The following ABTB2 variants were observed in gnomAD, a reference collection of about 807,000 sequenced individuals.
ABTB2 encodes ankyrin repeat and BTB domain containing 2.
In ABTB2, 56 loss-of-function variants were observed where a neutral mutation model predicts 104.1. The ratio of observed to expected loss-of-function variants is 0.54; its 90% CI spans 0.43 to 0.67. The LOEUF is 0.67. Ranked by LOEUF, ABTB2 falls within the 30% of genes least tolerant of loss-of-function variation. The pLI, the probability that ABTB2 is intolerant of heterozygous loss-of-function variation, is 0.00. For missense variants in ABTB2, 1,279 were observed against 1,407.7 expected (o/e 0.91, Z 1.46); for synonymous variants, 606 against 608.2 (o/e 1.00, Z 0.05).
chr11:34,247,185 G>A (rs1853995742), intron 1 of ABTB2, among the ~76,000 whole-genome samples: 2 of 152,204 alleles, frequency 1.3e-5, no homozygotes, highest in South Asian at 2.1e-4. Context: ...CAAGGCCTCT[G>A]GTGTGCAGCT....
In ABTB2 at chr11:34,199,713, G is replaced by A. The variant is rs541910794; in HGVS notation, c.1031-2175C>T. The stretch of plus-strand genomic sequence containing the variant: ...TTACAGAGAAAGAGAAATCCCTTAC[G>A]TAGTTATCAGAGCCTCAGTTTTCTC... On this transcript the variant is annotated intron_variant, in intron 2 of 16. Transcript: ENST00000435224. Among the ~76,000 whole-genome samples, 29 of 152,236 alleles carry A rather than the reference G, an allele frequency of 1.9e-4. 1 individual carries two copies. The South Asian group carries it at 5.4e-3, about 28-fold the overall frequency.
intron 1 of ABTB2, among the ~76,000 whole-genome samples, chr11:34,262,977 C>T (rs903861008): frequency 5.3e-5 from 8 of 152,230 alleles, no homozygotes; most frequent in South Asian, 2.1e-4. Context: ...CCACAGGAGA[C>T]GAAATCAGGC....
rs529659354 is a variant in ABTB2, at chr11:34,320,737, C to G, written c.883+35964G>C. On this transcript the variant is annotated intron_variant, in intron 1 of 16. Coordinates refer to ENST00000435224, the MANE Select transcript of ABTB2 (RefSeq NM_145804.3). The stretch of plus-strand genomic sequence containing the variant: ...ACATACCAGACTAACTTTATCTCCC[C>G]TGGGCAATCCCAGCTCACTACTGAG... 2.0e-5 allele frequency among the ~76,000 whole-genome samples: 3 copies of G among 152,316 alleles called. No individual in the cohort carries two copies. In the East Asian group the frequency reaches 5.8e-4, roughly 29 times the overall value.
chr11:34,154,521 C>A lies in ABTB2; in HGVS notation c.2767-143G>T. On this transcript the variant is annotated intron_variant, in intron 15 of 16. Coordinates refer to ENST00000435224, the MANE Select transcript of ABTB2 (RefSeq NM_145804.3). This position sits in a 1 kb window ranked among gnomAD's most constrained non-coding sequence, Gnocchi z 4.9. ...TACCTTCTGATACTCCTGGGCCTAA[C>A]CATCCCCGCTGGGACACGCACTGAG... 1 of 854,970 alleles carries A rather than the reference C, an allele frequency of 1.2e-6. No individual in the cohort carries two copies. The highest frequency in any genetic ancestry group is 1.6e-5 in the South Asian group (1 of 63,528). The allele number at this position is 854,970 out of a possible 1,614,324, so 53.0% of individuals were successfully genotyped here.
chr11:34,226,453 G>A (rs1853687912), intron 1 of ABTB2, among the ~76,000 whole-genome samples: 1 of 152,106 alleles, frequency 6.6e-6, no homozygotes, highest in Non-Finnish European at 1.5e-5. Context: ...TACAGGCAGG[G>A]TCAGTACAAA....
At chr11:34,183,298 C>G (rs1853051593) in intron 3 of ABTB2, among the ~76,000 whole-genome samples, 1 of 152,152 alleles carries the variant, frequency 6.6e-6, no homozygotes, top group African/African-American at 2.4e-5. Context: ...CGAGGTTTCA[C>G]CATGTTGCCC....
chr11:34,163,036 G>A (rs369655167), intron 9 of ABTB2, among the ~76,000 whole-genome samples: 10 of 152,170 alleles, frequency 6.6e-5, no homozygotes, highest in Admixed American at 1.3e-4. Flanking sequence ...TACCATCCCC[G>A]TATTGCAGAG....
At chr11:34,193,990 C>T (rs1185136907) in intron 3 of ABTB2, among the ~76,000 whole-genome samples, 1 of 152,232 alleles carries the variant, frequency 6.6e-6, no homozygotes. Context: ...CCACCAAACA[C>T]TGCAGAAGCA....
intron 12 of ABTB2, 87 bp downstream of exon 12, chr11:34,160,161 G>C: frequency 7.3e-7 from 1 of 1,373,162 alleles, no homozygotes; most frequent in Non-Finnish European, 1.0e-6. Context: ...CTTGGAAATG[G>C]AGAAAGATGA....
chr11:34,280,633 C>G (rs1854439004), intron 1 of ABTB2, among the ~76,000 whole-genome samples: 1 of 152,146 alleles, frequency 6.6e-6, no homozygotes, highest in Non-Finnish European at 1.5e-5. Context: ...ACATTAAGTC[C>G]TCAGTAATAA....
rs1035536815 is a variant in ABTB2, at chr11:34,328,818, A to G, written c.883+27883T>C. Among the ~76,000 whole-genome samples, 17 of 152,194 alleles carry G rather than the reference A, an allele frequency of 1.1e-4. 1 individual carries two copies. Among genetic ancestry groups the G allele is most frequent in the South Asian group, 4.1e-4 (2 of 4,832 alleles). ...CAAATTGGCCACTTAGCCATCCAGA[A>G]TCCTGAAAACACGTGGCCTCTCATA... is the stretch of plus-strand genomic sequence containing the variant. On this transcript the variant is annotated intron_variant, in intron 1 of 16. Transcript: ENST00000435224.
intron 1 of ABTB2, among the ~76,000 whole-genome samples, chr11:34,253,264 T>C (rs1854077868): frequency 6.6e-6 from 1 of 152,218 alleles, no homozygotes; most frequent in African/African-American, 2.4e-5. Flanking sequence ...TTCTTCTCTC[T>C]TCTTCCTTCA....
chr11:34,344,745 G>A (rs1855308749), intron 1 of ABTB2, among the ~76,000 whole-genome samples: 1 of 152,196 alleles, frequency 6.6e-6, no homozygotes, highest in African/African-American at 2.4e-5. Context: ...CCATCCACCT[G>A]CCTCAGCCTC....
At chr11:34,353,377 G>A (rs1480787076) in intron 1 of ABTB2, among the ~76,000 whole-genome samples, 1 of 152,170 alleles carries the variant, frequency 6.6e-6, no homozygotes, top group Non-Finnish European at 1.5e-5. Context: ...AGGAGGGAGA[G>A]AGAGGAGAGA....
intron 1 of ABTB2, among the ~76,000 whole-genome samples, chr11:34,281,469 T>G (rs1354759050): frequency 6.6e-6 from 1 of 152,222 alleles, no homozygotes; most frequent in Non-Finnish European, 1.5e-5. Flanking sequence ...ACAGAGCCTC[T>G]GTGCCTCCCC....
chr11:34,151,111 A>T lies in ABTB2; in HGVS notation c.*1276T>A, dbSNP rs1216999717. ...TAAAATAATGCCTATTTCTTTGTAC[A>T]TCCAGCCAAGCAGCTAGTCAAAATA... On this transcript the variant is annotated 3_prime_UTR_variant, in exon 17 of 17. Transcript: ENST00000435224. 6.5e-6 allele frequency: 1 copy of T among 152,690 alleles called. No homozygotes were observed. The highest frequency in any genetic ancestry group is 1.5e-5 in the Non-Finnish European group (1 of 68,062). The allele number at this position is 152,690 out of a possible 1,614,324, so 9.5% of individuals were successfully genotyped here.
At chr11:34,162,100 A>G (rs1852729106) in intron 10 of ABTB2, among the ~76,000 whole-genome samples, 1 of 152,232 alleles carries the variant, frequency 6.6e-6, no homozygotes, top group South Asian at 2.1e-4. Context: ...AGGACGTGGT[A>G]TGCAGCTAAC....
At chr11:34,258,234 A>G (rs1854146188) in intron 1 of ABTB2, among the ~76,000 whole-genome samples, 1 of 152,212 alleles carries the variant, frequency 6.6e-6, no homozygotes, top group Non-Finnish European at 1.5e-5. Flanking sequence ...GTTCTCCACT[A>G]TTACTGTGTA....
chr11:34,156,187 T>G (rs1416292284), intron 14 of ABTB2, among the ~76,000 whole-genome samples: 3 of 152,234 alleles, frequency 2.0e-5, no homozygotes, highest in African/African-American at 2.4e-5. Context: ...CCGTGGCACA[T>G]GGATCTCCCT....
Sources: allele counts gnomAD v4.1 joint callset (sites outside exome capture counted in the v4.1 genomes callset), GRCh38; gene constraint gnomAD v4.1.1; non-coding constraint Gnocchi (gnomAD v3.1); transcripts MANE v1.5; gene names NCBI Gene and HGNC (gene_info 2026-07-23, HGNC 2026-07-21).